Variants in GLOD5 observed in about 807,000 individuals in gnomAD.
The protein encoded by GLOD5 is glyoxalase domain containing 5.
Under a neutral mutation model 9.9 loss-of-function variants are expected in GLOD5, and 7 were observed. The observed-to-expected ratio is 0.71, with a 90% CI of 0.40 to 1.33. The LOEUF is 1.33. Ranked by LOEUF, GLOD5 falls within the 40% of genes most tolerant of loss-of-function variation. The pLI is 0.01. For synonymous variants in GLOD5, 49 were observed against 47.3 expected, an observed-to-expected ratio of 1.04 and a Z score of -0.14; for missense variants, 146 against 128.4, an observed-to-expected ratio of 1.14 and a Z score of -0.66.
intron 3 of GLOD5, 48 bp from the exon 4 acceptor site, chrX:48,773,262 C>G (rs369632032): frequency 1.1e-5 from 13 of 1,192,326 alleles, no homozygotes; most frequent in East Asian, 3.0e-5. Flanking sequence ...ATTTTGGTCT[C>G]ACACACACAT....
chrX:48,761,885 A>G (rs377496518), intron 1 of GLOD5, 32 bp downstream of exon 1: 93 of 1,089,409 alleles, frequency 8.5e-5, no homozygotes, highest in Non-Finnish European at 1.1e-4. Context: ...GATCTGGGGC[A>G]AGGGTGTTGG....
chrX:48,771,800 G>A (rs1158990807), intron 3 of GLOD5, among the ~76,000 whole-genome samples: 2 of 112,052 alleles, frequency 1.8e-5, no homozygotes, highest in Non-Finnish European at 3.8e-5. Context: ...GATATGGCAG[G>A]TGGTTAAAGA....
At chrX:48,762,880 C>T (rs2062599887) in intron 1 of GLOD5, among the ~76,000 whole-genome samples, 1 of 111,975 alleles carries the variant, frequency 8.9e-6, no homozygotes, top group African/African-American at 3.2e-5. Context: ...CGCTGGCCTT[C>T]CTGTTATTGA....
Position 48,766,985 on chromosome X carries a change from C to CAAAAAAAAAAAAAAA in GLOD5, c.201+1019_201+1033dup, listed in dbSNP as rs782648787. The stretch of plus-strand genomic sequence containing the variant: ...TGGGTGACAGAGCAAGATTCCATCT[C>CAAAAAAAAAAAAAAA]AAAAAAAAAAAAAAAAAAAACCAAC... On this transcript the variant is annotated intron_variant, in intron 2 of 3. Coordinates refer to ENST00000303227, the MANE Select transcript of GLOD5 (RefSeq NM_001080489.3). Among the ~76,000 whole-genome samples, 20 of 3,020 alleles carry CAAAAAAAAAAAAAAA rather than the reference C, an allele frequency of 6.6e-3. 8 individuals are homozygous for CAAAAAAAAAAAAAAA. Among genetic ancestry groups the CAAAAAAAAAAAAAAA allele is most frequent in the Admixed American group, 0.021 (2 of 95 alleles). The allele number at this position is 3,020 out of a possible 115,157, so 2.6% of individuals were successfully genotyped here. A position where few individuals can be genotyped will look rare whatever the true frequency, so the allele number is the denominator to read the frequency against.
At chrX:48,766,161 A>T in intron 2 of GLOD5, 189 bp downstream of exon 2, 1 of 418,480 alleles carries the variant, frequency 2.4e-6, no homozygotes, top group East Asian at 4.3e-5. Context: ...AGAGGAGGAA[A>T]TTATCATAGA....
intron 1 of GLOD5, among the ~76,000 whole-genome samples, chrX:48,762,986 A>G (rs2062600163): frequency 8.9e-6 from 1 of 112,187 alleles, no homozygotes; most frequent in African/African-American, 3.2e-5. Flanking sequence ...GCAGGGAAGA[A>G]TAGAATAATG....
chrX:48,762,189 C>G (rs1362662172), intron 1 of GLOD5: 1 of 171,627 alleles, frequency 5.8e-6, no homozygotes, highest in African/African-American at 3.0e-5. Context: ...GGAAACACAG[C>G]GCTGACCTTG....
intron 2 of GLOD5, among the ~76,000 whole-genome samples, chrX:48,766,623 C>A (rs1443909630): frequency 9.1e-6 from 1 of 109,683 alleles, no homozygotes; most frequent in Non-Finnish European, 1.9e-5. Context: ...TGGTGGTGCA[C>A]GCCTGTAATC....
At chrX:48,771,270 AAAAC>A (rs781919688) in intron 3 of GLOD5, among the ~76,000 whole-genome samples, 188 bp downstream of exon 3, 65 of 111,674 alleles carry the variant, frequency 5.8e-4, no homozygotes, top group Middle Eastern at 4.6e-3. Context: ...TTCCCATTGT[AAAAC>A]AAACAAACAA....
chrX:48,771,212 T>C (rs1232379995), intron 3 of GLOD5, 130 bp downstream of exon 3: 5 of 394,119 alleles, frequency 1.3e-5, no homozygotes, highest in Non-Finnish European at 1.6e-5. Context: ...CTATTTTGAC[T>C]GACAATTCTT....
chrX:48,773,223 C>G (rs1478514809), intron 3 of GLOD5, 87 bp from the exon 4 acceptor site: 12 of 1,053,751 alleles, frequency 1.1e-5, no homozygotes, highest in Admixed American at 2.4e-5. Flanking sequence ...GAGCGAGACT[C>G]TGTCACAAAA....
intron 2 of GLOD5, among the ~76,000 whole-genome samples, chrX:48,770,447 G>A (rs1159046128): frequency 9.0e-6 from 1 of 111,504 alleles, no homozygotes; most frequent in Non-Finnish European, 1.9e-5. Context: ...CATGGGCAGT[G>A]GCTGGGAAGC....
intron 1 of GLOD5, among the ~76,000 whole-genome samples, chrX:48,765,146 C>T (rs913029163): frequency 3.4e-4 from 38 of 110,529 alleles, no homozygotes; most frequent in African/African-American, 1.2e-3. Context: ...TAAAATTGGC[C>T]AATTCACAGG....
In GLOD5 at chrX:48,773,570, C is replaced by T. The variant is rs1294265195; in HGVS notation, c.*135C>T. On this transcript the variant is annotated 3_prime_UTR_variant, in exon 4 of 4. Transcript: ENST00000303227. ...TTCACACATCCTGCTGAGGGGGGAC[C>T]CAAGACAGGTTTGGGACCAAACCTA... The T allele has an allele frequency of 2.9e-6, 2 of 699,156 alleles. No homozygotes were observed. The highest frequency in any genetic ancestry group is 6.4e-5 in the Admixed American group (2 of 31,032). The allele number at this position is 699,156 out of a possible 1,213,427, so 57.6% of individuals were successfully genotyped here.
At chrX:48,766,198 C>T in intron 2 of GLOD5, 1 of 350,542 alleles carries the variant, frequency 2.9e-6, no homozygotes, top group Non-Finnish European at 5.0e-6. Flanking sequence ...TTTGCAGTCT[C>T]TACATGGAAA....
At chrX:48,764,158 T>C (rs1557016314) in intron 1 of GLOD5, among the ~76,000 whole-genome samples, 2 of 111,649 alleles carry the variant, frequency 1.8e-5, no homozygotes, top group Non-Finnish European at 3.8e-5. Flanking sequence ...CAGAAGTCCC[T>C]GCTCTTATGA....
Position 48,761,846 on chromosome X carries a change from A to G in GLOD5, c.56A>G (p.Glu19Gly). The G allele has an allele frequency of 8.6e-7, 1 of 1,163,051 alleles. No individual in the cohort carries two copies. Among genetic ancestry groups the G allele is most frequent in the African/African-American group, 1.8e-5 (1 of 56,226 alleles). Residue 19 changes from glutamate to glycine, a missense_variant, in exon 1 of 4, where the codon GAG (glutamate) becomes GGG (glycine). By Grantham distance (98) the Glu-to-Gly change is moderately conservative. Transcript: ENST00000303227. Reference sequence around the variant, plus strand: ...GTCAAGATGTGGGGCAGGACTTTGGAGAAACAGGTGAACAAGATGGCCCCT... The same window carrying G: ...GTCAAGATGTGGGGCAGGACTTTGGGGAAACAGGTGAACAAGATGGCCCCT... ...LPVKMWGRTL[E>G]KQSWRDSSQT...
intron 2 of GLOD5, among the ~76,000 whole-genome samples, chrX:48,770,268 C>G (rs1268033807): frequency 9.9e-6 from 1 of 101,328 alleles, no homozygotes; most frequent in Non-Finnish European, 2.0e-5. Flanking sequence ...GAGCAAGACT[C>G]TGTCTCAAAT....
At chrX:48,770,781 G>A (rs2062620326) in intron 2 of GLOD5, 146 bp from the exon 3 acceptor site, 3 of 404,408 alleles carry the variant, frequency 7.4e-6, no homozygotes, top group Non-Finnish European at 1.2e-5. Flanking sequence ...ATGAGCCTTG[G>A]GTGGGGCAAA....
Sources: gnomAD v4.1 joint callset for allele counts (sites outside exome capture counted in the v4.1 genomes callset) on GRCh38, gnomAD v4.1.1 for gene constraint, MANE v1.5 for transcripts, NCBI Gene and HGNC (gene_info 2026-07-23, HGNC 2026-07-21) for gene names.